Variants in ADARB2 observed in about 807,000 individuals in gnomAD.
ADARB2 encodes the protein adenosine deaminase RNA specific B2 (inactive).
Under a neutral mutation model 62.2 loss-of-function variants are expected in ADARB2, and 25 were observed. The observed-to-expected ratio is 0.40, with a 90% CI of 0.29 to 0.56. The LOEUF (loss-of-function observed/expected upper bound fraction) is 0.56, where lower values mean the gene tolerates loss of function less well. Ranked by LOEUF, ADARB2 falls within the 20% of genes least tolerant of loss-of-function variation. The pLI is 0.43. For missense variants in ADARB2, 1,071 were observed against 1,077.4 expected, an observed-to-expected ratio of 0.99 and a Z score of 0.08; for synonymous variants, 572 against 500.8, an observed-to-expected ratio of 1.14 and a Z score of -1.90.
intron 3 of ADARB2, among the ~76,000 whole-genome samples, chr10:1,345,398 G>A (rs772491733): frequency 6.6e-6 from 1 of 152,162 alleles, no homozygotes; most frequent in Non-Finnish European, 1.5e-5. Flanking sequence ...GCAGAGCCAG[G>A]CTCAAGTCCA....
intron 3 of ADARB2, among the ~76,000 whole-genome samples, chr10:1,328,717 G>A (rs759853791): frequency 7.9e-5 from 12 of 152,192 alleles, no homozygotes; most frequent in South Asian, 2.1e-4. Flanking sequence ...AAGGCCAAGC[G>A]TAGTGGCTCA....
chr10:1,626,426 C>T (rs970000600), intron 1 of ADARB2, among the ~76,000 whole-genome samples: 1 of 151,940 alleles, frequency 6.6e-6, no homozygotes, highest in East Asian at 1.9e-4. Flanking sequence ...CACTGGATCT[C>T]GGACGCTAAC....
chr10:1,205,578 G>A (rs1027253220), intron 7 of ADARB2, among the ~76,000 whole-genome samples: 1 of 152,272 alleles, frequency 6.6e-6, no homozygotes, highest in Admixed American at 6.5e-5. Flanking sequence ...CCGAATGCTT[G>A]TGTTCCCAAA....
chr10:1,656,762 T>C (rs1038274974), intron 1 of ADARB2, among the ~76,000 whole-genome samples: 15 of 152,152 alleles, frequency 9.9e-5, no homozygotes, highest in Admixed American at 7.9e-4. Flanking sequence ...ATAATGGTAA[T>C]TAATCTTTTT....
intron 1 of ADARB2, among the ~76,000 whole-genome samples, chr10:1,609,674 C>T (rs1399626626): frequency 1.3e-5 from 2 of 152,250 alleles, no homozygotes; most frequent in East Asian, 1.9e-4. Flanking sequence ...CCTAGGAAGA[C>T]GCTTCCCTTG....
chr10:1,351,469 C>T lies in ADARB2; in HGVS notation c.1077+11559G>A, dbSNP rs548357655. Among the ~76,000 whole-genome samples, 429 of 151,544 alleles carry T rather than the reference C, an allele frequency of 2.8e-3. 4 individuals carry two copies. The highest frequency in any genetic ancestry group is 9.9e-3 in the African/African-American group (408 of 41,282). On this transcript the variant is annotated intron_variant, in intron 3 of 9. Transcript: ENST00000381312. ...TTAGACAATACTCTTTTAAGTACTC[C>T]TTTTAGTTATCCCCACCTGCCCAGT...
chr10:1,569,450 C>A (rs1012230712), intron 1 of ADARB2, among the ~76,000 whole-genome samples: 1 of 152,206 alleles, frequency 6.6e-6, no homozygotes, highest in Non-Finnish European at 1.5e-5. Flanking sequence ...GGGGAGCAAT[C>A]CTCTCTCATT....
At chr10:1,668,489 G>A (rs1834340052) in intron 1 of ADARB2, among the ~76,000 whole-genome samples, 1 of 152,162 alleles carries the variant, frequency 6.6e-6, no homozygotes, top group Non-Finnish European at 1.5e-5. Flanking sequence ...ATTCGTGTGT[G>A]GTTTTCCAAG....
At position 1,255,033 on chromosome 10, in the gene ADARB2, T is replaced by A. The variant is rs1173382724; in HGVS notation, c.1193-12734A>T. Reference sequence around the variant, plus strand: ...GCACAGTAATCACATACTCATTAATTTCCTTATAAAATGCTCCCAGAGGAC... The same window carrying A: ...GCACAGTAATCACATACTCATTAATATCCTTATAAAATGCTCCCAGAGGAC... On this transcript the variant is annotated intron_variant, in intron 4 of 9. Coordinates refer to ENST00000381312, the MANE Select transcript of ADARB2 (RefSeq NM_018702.4). This position sits in a 1 kb window ranked among gnomAD's most constrained non-coding sequence, Gnocchi z 4.7. Among the ~76,000 whole-genome samples the A allele has an allele frequency of 6.6e-6, 1 of 152,188 alleles. No homozygotes were observed. Among genetic ancestry groups the A allele is most frequent in the Non-Finnish European group, 1.5e-5 (1 of 68,036 alleles).
intron 6 of ADARB2, among the ~76,000 whole-genome samples, chr10:1,226,454 C>T (rs946660915): frequency 1.1e-4 from 16 of 152,172 alleles, no homozygotes; most frequent in African/African-American, 3.1e-4. Flanking sequence ...GCTGGTGAGG[C>T]ACTCCATTCC....
At chr10:1,735,253 T>A (rs1304740496) in intron 1 of ADARB2, among the ~76,000 whole-genome samples, 1 of 152,232 alleles carries the variant, frequency 6.6e-6, no homozygotes, top group Non-Finnish European at 1.5e-5. Context: ...AAATATTTGC[T>A]ATAGGAGTTT....
chr10:1,693,668 C>G (rs1458553907), intron 1 of ADARB2, among the ~76,000 whole-genome samples: 1 of 152,126 alleles, frequency 6.6e-6, no homozygotes, highest in African/African-American at 2.4e-5. Flanking sequence ...CCAACCATGG[C>G]TACAAATGTG....
At chr10:1,371,741 G>T (rs1206403567) in intron 2 of ADARB2, among the ~76,000 whole-genome samples, 1 of 145,936 alleles carries the variant, frequency 6.9e-6, no homozygotes, top group Non-Finnish European at 1.5e-5. Flanking sequence ...AAATCACACT[G>T]AGATGTCATC....
Position 1,220,258 on chromosome 10 carries a change from A to ATGATGGTGGTGATGATGGTAATGG in ADARB2, c.1514-3163_1514-3140dup, listed in dbSNP as rs1830680144. ...GGTGGTGATAATGGTGGTGGTGGTG[A>ATGATGGTGGTGATGATGGTAATGG]TGATGGTGGTGATGATGGTAATGGT... On this transcript the variant is annotated intron_variant, in intron 6 of 9. Coordinates refer to ENST00000381312, the MANE Select transcript of ADARB2 (RefSeq NM_018702.4). Among the ~76,000 whole-genome samples, 4 of 121,200 alleles carry ATGATGGTGGTGATGATGGTAATGG rather than the reference A, an allele frequency of 3.3e-5. No individual in the cohort carries two copies. The Admixed American group carries it at 3.6e-4, about 11-fold the overall frequency. The allele number at this position is 121,200 out of a possible 152,430, so 79.5% of individuals were successfully genotyped here.
chr10:1,412,288 C>G (rs538371308), intron 1 of ADARB2, among the ~76,000 whole-genome samples: 1 of 152,254 alleles, frequency 6.6e-6, no homozygotes, highest in African/African-American at 2.4e-5. Flanking sequence ...GTCGCAAACC[C>G]TGTTAAAGAG....
intron 1 of ADARB2, among the ~76,000 whole-genome samples, chr10:1,683,576 T>C (rs1834565931): frequency 6.6e-6 from 1 of 152,184 alleles, no homozygotes; most frequent in Non-Finnish European, 1.5e-5. Flanking sequence ...TGGGTCTTTG[T>C]GCCCAGAATG....
chr10:1,411,876 T>G (rs1255741451), intron 1 of ADARB2, among the ~76,000 whole-genome samples: 1 of 152,250 alleles, frequency 6.6e-6, no homozygotes, highest in Non-Finnish European at 1.5e-5. Flanking sequence ...AACCAAAATT[T>G]GAAAGACATT....
chr10:1,354,603 G>A (rs762366454), intron 3 of ADARB2, among the ~76,000 whole-genome samples: 1 of 152,234 alleles, frequency 6.6e-6, no homozygotes, highest in African/African-American at 2.4e-5. Flanking sequence ...GACAATGGGC[G>A]AAGGAGAGGG....
intron 1 of ADARB2, among the ~76,000 whole-genome samples, chr10:1,612,163 C>A (rs1833580882): frequency 1.3e-5 from 2 of 152,216 alleles, no homozygotes; most frequent in Admixed American, 1.3e-4. Flanking sequence ...GCTCATCAGC[C>A]ATTAAGAGAA....
Sources: gnomAD v4.1 joint callset for allele counts (sites outside exome capture counted in the v4.1 genomes callset) on GRCh38, gnomAD v4.1.1 for gene constraint, Gnocchi (gnomAD v3.1) non-coding constraint, MANE v1.5 for transcripts, NCBI Gene and HGNC (gene_info 2026-07-23, HGNC 2026-07-21) for gene names.